The following AHI1 variants were observed in gnomAD, a reference collection of about 807,000 sequenced individuals.
AHI1 encodes the protein jouberin.
A neutral mutation model predicts 149.3 loss-of-function variants in AHI1; 123 were observed. The ratio of observed to expected loss-of-function variants is 0.82; its 90% confidence interval spans 0.71 to 0.96. The LOEUF is 0.96. Among genes scored for constraint, AHI1 ranks in the 40% least tolerant of loss-of-function variants. The pLI is 0.00. For synonymous variants in AHI1, 475 were observed against 459.8 expected (o/e 1.03, Z -0.42); for missense variants, 1,439 against 1,422.7 (o/e 1.01, Z -0.18).
rs1781505567 is a variant in AHI1, at chr6:135,284,591, AAAT to A, written c.*1051_*1053del. On this transcript the variant is annotated 3_prime_UTR_variant, in exon 29 of 29. Coordinates refer to ENST00000265602, the MANE Select transcript of AHI1 (RefSeq NM_001134831.2). The stretch of plus-strand genomic sequence containing the variant: ...TATTATTCTGGAACTTAGAAAAAAT[AAAT>A]AATGCAATATAATAATGTAAAAATA... 7.9e-6 allele frequency: 1 copy of A among 126,380 alleles called. No homozygotes were observed. Among genetic ancestry groups the A allele is most frequent in the Non-Finnish European group, 1.5e-5 (1 of 67,760 alleles). 7.8% of individuals were successfully genotyped at this position (126,380 alleles called of 1,614,324 possible). A position where few individuals can be genotyped will look rare whatever the true frequency, so the allele number is the denominator to read the frequency against.
intron 23 of AHI1, among the ~76,000 whole-genome samples, chr6:135,386,309 TG>T (rs1246145331): frequency 2.0e-5 from 3 of 151,282 alleles, no homozygotes; most frequent in Admixed American, 1.3e-4. Flanking sequence ...AAAAGTGTTT[TG>T]TTTTTTTTTT....
intron 13 of AHI1, among the ~76,000 whole-genome samples, chr6:135,446,183 C>G (rs1161229987): frequency 6.6e-6 from 1 of 152,162 alleles, no homozygotes; most frequent in Non-Finnish European, 1.5e-5. Flanking sequence ...CCTTGTCACC[C>G]AAATGAATAT....
At chr6:135,457,830 G>T in intron 8 of AHI1, 117 bp from the exon 9 acceptor site, 1 of 936,086 alleles carries the variant, frequency 1.1e-6, no homozygotes, top group Non-Finnish European at 1.6e-6. Flanking sequence ...GAACTTCAGG[G>T]GGAAAGAAAG....
intron 24 of AHI1, 109 bp from the exon 25 acceptor site, chr6:135,323,433 T>C: frequency 8.2e-7 from 1 of 1,215,878 alleles, no homozygotes; most frequent in Non-Finnish European, 1.2e-6. Context: ...AGCAGTACTT[T>C]GGTAAGTGTG....
chr6:135,387,945 G>C (rs1777842471), intron 23 of AHI1: 2 of 1,612,706 alleles, frequency 1.2e-6, no homozygotes, highest in South Asian at 2.2e-5. Flanking sequence ...TGGGATCCCA[G>C]GTCGGCTCAG....
chr6:135,439,724 A>C lies in AHI1; in HGVS notation c.1913-1226T>G, dbSNP rs114665944. 3.7e-3 allele frequency among the ~76,000 whole-genome samples: 568 copies of C among 152,308 alleles called. 2 individuals are homozygous for C. The highest frequency in any genetic ancestry group is 0.013 in the African/African-American group (549 of 41,568). On this transcript the variant is annotated intron_variant, in intron 14 of 28. Transcript: ENST00000265602. ...TTAGTGCATGGTAAGTGTTTTGTTAAGATGGAAAAGATATAAATCTGTGGG... is the reference window on the plus strand; with the variant it reads ...TTAGTGCATGGTAAGTGTTTTGTTACGATGGAAAAGATATAAATCTGTGGG...
intron 24 of AHI1, among the ~76,000 whole-genome samples, chr6:135,354,327 G>A (rs1406622868): frequency 6.6e-6 from 1 of 152,060 alleles, no homozygotes; most frequent in Non-Finnish European, 1.5e-5. Flanking sequence ...TTCACTGGAA[G>A]AGATTCAAAA....
At chr6:135,490,795 A>G in intron 4 of AHI1, 48 bp from the exon 5 acceptor site, 2 of 1,598,128 alleles carry the variant, frequency 1.3e-6, no homozygotes, top group Non-Finnish European at 1.7e-6. Context: ...CTATCATAAC[A>G]CACAACCTAC....
chr6:135,445,592 A>C (rs1787048693), intron 13 of AHI1, among the ~76,000 whole-genome samples: 1 of 152,142 alleles, frequency 6.6e-6, no homozygotes, highest in African/African-American at 2.4e-5. Flanking sequence ...CTTTTTAAAG[A>C]GATGGGATCT....
At chr6:135,454,152 A>G (rs1788557368) in intron 10 of AHI1, among the ~76,000 whole-genome samples, 1 of 152,104 alleles carries the variant, frequency 6.6e-6, no homozygotes, top group African/African-American at 2.4e-5. Context: ...CATAATATAA[A>G]AAATATATAG....
At chr6:135,463,346 T>A in intron 7 of AHI1, 40 bp from the exon 8 acceptor site, 3 of 1,458,532 alleles carry the variant, frequency 2.1e-6, no homozygotes, top group Non-Finnish European at 2.8e-6. Context: ...ACAGATATAT[T>A]ATCATTATAA....
intron 5 of AHI1, 142 bp downstream of exon 5, chr6:135,490,481 T>C (rs1003892728): frequency 1.1e-5 from 11 of 983,606 alleles, no homozygotes; most frequent in Non-Finnish European, 4.6e-6. Flanking sequence ...ATAAACTTTA[T>C]TTTTACCACA....
intron 8 of AHI1, among the ~76,000 whole-genome samples, chr6:135,461,186 T>C (rs931197671): frequency 1.3e-5 from 2 of 152,008 alleles, no homozygotes; most frequent in African/African-American, 2.4e-5. Context: ...AATAATCTCA[T>C]ATTGAGGTAT....
rs142909868 is a variant in AHI1, at chr6:135,402,424, T to C, written c.2988+2527A>G. On this transcript the variant is annotated intron_variant, in intron 22 of 28. Transcript: ENST00000265602. ...TAAAAAGTAGAAACAACCCAAATGTTCATAAACTGATCAAATATAACAATA... is the reference window on the plus strand; with the variant it reads ...TAAAAAGTAGAAACAACCCAAATGTCCATAAACTGATCAAATATAACAATA... 2.7e-3 allele frequency among the ~76,000 whole-genome samples: 411 copies of C among 152,280 alleles called. 2 individuals are homozygous for C. Among genetic ancestry groups the C allele is most frequent in the African/African-American group, 9.3e-3 (387 of 41,550 alleles).
chr6:135,465,820 T>A lies in AHI1; in HGVS notation c.743A>T (p.Glu248Val). Residue 248 changes from glutamate (E) to valine (V), a missense_variant, in exon 7 of 29, where the codon GAA (glutamate) becomes GTA (valine). Transcript: ENST00000265602. The stretch of plus-strand genomic sequence containing the variant: ...TTTATCAATGCAAAAATACCTTGTT[T>A]CAGCTTTAGAGAAGACTGGAACTTC... ...KKEVPVFSKA[E>V]TSTLTISGDT... is the part of the protein sequence containing the mutation. 6.9e-6 allele frequency: 10 copies of A among 1,452,848 alleles called. No individual in the cohort carries two copies. Among genetic ancestry groups the A allele is most frequent in the Non-Finnish European group, 8.1e-6 (9 of 1,104,960 alleles). The allele number at this position is 1,452,848 out of a possible 1,614,324, so 90.0% of individuals were successfully genotyped here. A position where few individuals can be genotyped will look rare whatever the true frequency, so the allele number is the denominator to read the frequency against.
intron 26 of AHI1, among the ~76,000 whole-genome samples, chr6:135,315,362 T>G (rs1785784995): frequency 6.6e-6 from 1 of 152,196 alleles, no homozygotes; most frequent in Non-Finnish European, 1.5e-5. Flanking sequence ...TCCTTTTCCG[T>G]GTGATGCTAT....
Position 135,427,317 on chromosome 6 carries a change from AAG to A in AHI1, c.2624-12_2624-11del. The stretch of plus-strand genomic sequence containing the variant: ...ATGGCTACTTGTTCTCCTAAATAAA[AAG>A]AGAGATTCAAAAATGTATATCAGAG... On this transcript the variant is annotated splice_polypyrimidine_tract_variant and intron_variant, in intron 19 of 28. Coordinates refer to ENST00000265602, the MANE Select transcript of AHI1 (RefSeq NM_001134831.2). The A allele has an allele frequency of 6.2e-7, 1 of 1,604,798 alleles. No homozygotes were observed. Among genetic ancestry groups the A allele is most frequent in the Non-Finnish European group, 8.5e-7 (1 of 1,174,400 alleles).
chr6:135,287,006 A>G (rs756031695), intron 28 of AHI1, among the ~76,000 whole-genome samples: 3 of 152,254 alleles, frequency 2.0e-5, no homozygotes, highest in Non-Finnish European at 4.4e-5. Flanking sequence ...ACAGAGAGAC[A>G]TATAAACTTC....
intron 13 of AHI1, among the ~76,000 whole-genome samples, chr6:135,446,490 T>C (rs1324650091): frequency 2.6e-5 from 4 of 152,204 alleles, no homozygotes; most frequent in South Asian, 2.1e-4. Context: ...CCCTATGTGA[T>C]AGTATTTAGA....
Sources: gnomAD v4.1 joint callset for allele counts (sites outside exome capture counted in the v4.1 genomes callset) on GRCh38, gnomAD v4.1.1 for gene constraint, MANE v1.5 for transcripts, NCBI Gene and HGNC (gene_info 2026-07-23, HGNC 2026-07-21) for gene names.